Variants in AAGAB observed in about 807,000 individuals in gnomAD.
AAGAB encodes the protein alpha- and gamma-adaptin-binding protein p34.
In AAGAB, 38 loss-of-function variants were observed where a neutral mutation model predicts 44.1. The observed-to-expected ratio is 0.86, with a 90% CI of 0.67 to 1.13. The LOEUF is 1.13. Ranked by LOEUF, AAGAB falls within the 50% of genes most tolerant of loss-of-function variation. The probability of loss-of-function intolerance (pLI) is 0.00; values close to 1 mark genes in which losing one functional copy is unlikely to be tolerated. For missense variants in AAGAB, 450 were observed against 373.8 expected, an observed-to-expected ratio of 1.20 and a Z score of -1.68; for synonymous variants, 131 against 131.8, an observed-to-expected ratio of 0.99 and a Z score of 0.04.
At chr15:67,225,457 G>A (rs1317246336) in intron 5 of AAGAB, among the ~76,000 whole-genome samples, 1 of 152,004 alleles carries the variant, frequency 6.6e-6, no homozygotes, top group Non-Finnish European at 1.5e-5. Flanking sequence ...GTATGATTCA[G>A]TGGTTTTTAG....
intron 5 of AAGAB, among the ~76,000 whole-genome samples, chr15:67,224,990 G>A (rs568035605): frequency 7.2e-4 from 109 of 152,328 alleles, no homozygotes; most frequent in African/African-American, 2.6e-3. Context: ...ATTAAACACA[G>A]ACTCTTACAA....
At chr15:67,233,785 C>T (rs563821901) in intron 4 of AAGAB, among the ~76,000 whole-genome samples, 8 of 152,316 alleles carry the variant, frequency 5.3e-5, no homozygotes, top group African/African-American at 1.9e-4. Context: ...CTTCCCCCTA[C>T]ACTGAAAACT....
intron 7 of AAGAB, among the ~76,000 whole-genome samples, chr15:67,206,570 CT>C (rs1963690168): frequency 6.6e-6 from 1 of 152,010 alleles, no homozygotes; most frequent in African/African-American, 2.4e-5. Context: ...AGATGCTGTC[CT>C]TTCTTTCTCA....
At chr15:67,220,586 T>C (rs1356969107) in intron 5 of AAGAB, 2 of 152,254 alleles carry the variant, frequency 1.3e-5, no homozygotes, top group Non-Finnish European at 2.9e-5. Flanking sequence ...GGAGATTCTA[T>C]GTTCTAAATG....
At chr15:67,212,755 G>C (rs1475392861) in intron 5 of AAGAB, among the ~76,000 whole-genome samples, 1 of 152,060 alleles carries the variant, frequency 6.6e-6, no homozygotes, top group African/African-American at 2.4e-5. Flanking sequence ...AAAAAACTTA[G>C]ATGATATTTT....
rs1964753230 is a variant in AAGAB at position 67,247,413 on chromosome 15, C to T, written c.73+7146G>A. Among the ~76,000 whole-genome samples, 3 of 152,162 alleles carry T rather than the reference C, an allele frequency of 2.0e-5. No individual in the cohort carries two copies. The South Asian group carries it at 6.2e-4, about 31-fold the overall frequency. On this transcript the variant is annotated intron_variant, in intron 1 of 9. Coordinates refer to ENST00000261880, the MANE Select transcript of AAGAB (RefSeq NM_024666.5). ...GCAGTAAGTTGTTTAAACCAAATGACCACTGCATACTTTCTAGATTTTTAC... is the reference window on the plus strand; with the variant it reads ...GCAGTAAGTTGTTTAAACCAAATGATCACTGCATACTTTCTAGATTTTTAC...
At position 67,236,636 on chromosome 15, in the gene AAGAB, G is replaced by C. The variant is rs1485655960; in HGVS notation, c.258C>G (p.Ser86Arg). 2 of 1,612,904 alleles carry C rather than the reference G, an allele frequency of 1.2e-6. No homozygotes were observed. The highest frequency in any genetic ancestry group is 1.3e-5 in the African/African-American group (1 of 75,012). The change falls in exon 2 of 10, where the codon AGC becomes AGG. Residue 86 changes from serine to arginine, a missense_variant. By Grantham distance (110) the Ser-to-Arg change is moderately radical. Coordinates refer to ENST00000261880, the MANE Select transcript of AAGAB (RefSeq NM_024666.5). The part of the protein sequence containing the change: ...SVQAFVVYFD[S>R]TQKSGLDSVS... ...ATAGAAAACAAAGTCTTACTTGTGT[G>C]CTGTCAAAGTAAACCACAAATGCTT...
chr15:67,233,167 A>G (rs140960086), intron 4 of AAGAB, among the ~76,000 whole-genome samples: 15 of 152,332 alleles, frequency 9.8e-5, no homozygotes, highest in African/African-American at 3.4e-4. Flanking sequence ...GCTGGAAACC[A>G]TAGAATAATA....
At chr15:67,245,067 T>C (rs1596015771) in intron 1 of AAGAB, among the ~76,000 whole-genome samples, 1 of 152,268 alleles carries the variant, frequency 6.6e-6, no homozygotes. Context: ...GAATATAAAA[T>C]GGTGCAGCCA....
In AAGAB at chr15:67,209,490, A is replaced by G; in HGVS notation, c.590T>C (p.Ile197Thr). ...TGGGTGACAGGGATCTGCTGACCCA[A>G]TGCTATGGTTTGTTCCAGTCAATGA... Reference protein sequence around the residue: ...LNSLTGTNHSIGSADPCHPEQ... With the variant: ...LNSLTGTNHSTGSADPCHPEQ... The change falls in exon 6 of 10, where the codon ATT (isoleucine) becomes ACT (threonine). Residue 197 changes from isoleucine to threonine, a missense_variant. Transcript: ENST00000261880. 2 of 1,614,210 alleles carry G rather than the reference A, an allele frequency of 1.2e-6. No individual in the cohort carries two copies. The highest frequency in any genetic ancestry group is 1.1e-5 in the South Asian group (1 of 91,090).
At chr15:67,231,511 A>G (rs1036433519) in intron 5 of AAGAB, among the ~76,000 whole-genome samples, 4 of 152,170 alleles carry the variant, frequency 2.6e-5, no homozygotes, top group Non-Finnish European at 5.9e-5. Context: ...CTTGAATTTC[A>G]CAGCTGGACT....
At position 67,212,516 on chromosome 15, in the gene AAGAB, G is replaced by A. The variant is rs78037361; in HGVS notation, c.536-2972C>T. Among the ~76,000 whole-genome samples, 320 of 152,194 alleles carry A rather than the reference G, an allele frequency of 2.1e-3. 9 individuals carry two copies. The East Asian group carries it at 0.056, about 27-fold the overall frequency. ...GTATGACCTTAGACAAATTAATCAG[G>A]TTCACAATTGACTAAGAGTTTACAA... On this transcript the variant is annotated intron_variant, in intron 5 of 9. Transcript: ENST00000261880.
chr15:67,209,627 A>G lies in AAGAB; in HGVS notation c.536-83T>C, dbSNP rs923743573. On this transcript the variant is annotated intron_variant, in intron 5 of 9. Coordinates refer to ENST00000261880, the MANE Select transcript of AAGAB (RefSeq NM_024666.5). ...TGGCTATGATGATGAAACAAAGGCT[A>G]CTTATTTGTTACCAAAGTTCTAACT... is the stretch of plus-strand genomic sequence containing the variant. 5 of 1,103,982 alleles carry G rather than the reference A, an allele frequency of 4.5e-6. No homozygotes were observed. The African/African-American group carries it at 4.7e-5, about 10-fold the overall frequency. The allele number at this position is 1,103,982 out of a possible 1,614,324, so 68.4% of individuals were successfully genotyped here.
intron 5 of AAGAB, among the ~76,000 whole-genome samples, chr15:67,218,806 A>T (rs570374081): frequency 6.6e-6 from 1 of 152,246 alleles, no homozygotes; most frequent in Non-Finnish European, 1.5e-5. Context: ...CACAAACCAG[A>T]CTCTGATAGG....
At position 67,236,043 on chromosome 15, in the gene AAGAB, T is replaced by C; in HGVS notation, c.387A>G (p.Glu129=). Residue 129 remains glutamate, a synonymous_variant, in exon 4 of 10, where the codon GAA becomes GAG. Coordinates refer to ENST00000261880, the MANE Select transcript of AAGAB (RefSeq NM_024666.5). ...EDGINRQKAQ[E]WCIKHGFELV... ...ATTCAAAGCCATGTTTGATGCACCA[T>C]TCTTGAGCTTTTTGTCGGTTTATAC... 3 of 1,613,170 alleles carry C rather than the reference T, an allele frequency of 1.9e-6. No individual in the cohort carries two copies. Among genetic ancestry groups the C allele is most frequent in the Middle Eastern group, 1.7e-4 (1 of 6,058 alleles).
At chr15:67,217,367 C>T (rs1171239686) in intron 5 of AAGAB, among the ~76,000 whole-genome samples, 3 of 152,168 alleles carry the variant, frequency 2.0e-5, no homozygotes, top group Non-Finnish European at 4.4e-5. Context: ...TCTTCATTAA[C>T]GATTCTCCTC....
chr15:67,207,193 CA>C (rs1388158018), intron 7 of AAGAB, among the ~76,000 whole-genome samples: 1 of 152,028 alleles, frequency 6.6e-6, no homozygotes, highest in Non-Finnish European at 1.5e-5. Context: ...CCATCTCAAA[CA>C]AAAACAAAAA....
At chr15:67,244,933 G>A (rs1864413258) in intron 1 of AAGAB, among the ~76,000 whole-genome samples, 1 of 152,090 alleles carries the variant, frequency 6.6e-6, no homozygotes, top group African/African-American at 2.4e-5. Flanking sequence ...TTAAGGAAAT[G>A]CAAATCAAAA....
At position 67,236,821 on chromosome 15, in the gene AAGAB, C is replaced by T; in HGVS notation, c.74-1G>A. The T allele has an allele frequency of 1.3e-6, 2 of 1,598,548 alleles. No homozygotes were observed. The highest frequency in any genetic ancestry group is 1.7e-6 in the Non-Finnish European group (2 of 1,173,230). On this transcript the variant is annotated splice_acceptor_variant, in intron 1 of 9. Transcript: ENST00000261880. LOFTEE classifies it high-confidence loss of function. Reference sequence around the variant, plus strand: ...ATAAGATCTTCTGTTCCAAGGATATCTAAAAATAAATGACAACATTACCAT... The same window carrying T: ...ATAAGATCTTCTGTTCCAAGGATATTTAAAAATAAATGACAACATTACCAT...
Sources: gnomAD v4.1 joint callset for allele counts (sites outside exome capture counted in the v4.1 genomes callset) on GRCh38, gnomAD v4.1.1 for gene constraint, MANE v1.5 for transcripts, NCBI Gene and HGNC (gene_info 2026-07-23, HGNC 2026-07-21) for gene names.